SMARCAD1: variants seen among roughly 807,000 people sequenced by gnomAD.
SMARCAD1 encodes the protein SWI/SNF-related matrix-associated actin-dependent regulator of chromatin subfamily A containing DEAD/H box 1.
Under a neutral mutation model 127.1 loss-of-function variants are expected in SMARCAD1, and 25 were observed. The ratio of observed to expected loss-of-function variants is 0.20; its 90% CI spans 0.14 to 0.27. SMARCAD1 has a LOEUF of 0.27. SMARCAD1 is among the 10% of genes least tolerant of loss of function. SMARCAD1 has a pLI of 1.00. For synonymous variants in SMARCAD1, 400 were observed against 396.9 expected, an observed-to-expected ratio of 1.01 and a Z score of -0.09; for missense variants, 807 against 1,206.0, an observed-to-expected ratio of 0.67 and a Z score of 4.90.
Position 94,277,017 on chromosome 4 carries a change from C to T in SMARCAD1, c.1945-5C>T. On this transcript the variant is annotated splice_polypyrimidine_tract_variant and splice_region_variant and intron_variant, in intron 15 of 23. Coordinates refer to ENST00000354268, the MANE Select transcript of SMARCAD1 (RefSeq NM_020159.5). Reference sequence around the variant, plus strand: ...AGCTAATATAAATTTTACCTTCATTCACAGGCAAATAACCGTTTGCTGCTC... The same window carrying T: ...AGCTAATATAAATTTTACCTTCATTTACAGGCAAATAACCGTTTGCTGCTC... The T allele has an allele frequency of 1.2e-6, 2 of 1,613,942 alleles. No individual in the cohort carries two copies. The highest frequency in any genetic ancestry group is 2.7e-5 in the African/African-American group (2 of 75,028).
At chr4:94,285,744 G>A (rs1174107646) in intron 23 of SMARCAD1, among the ~76,000 whole-genome samples, 3 of 152,152 alleles carry the variant, frequency 2.0e-5, no homozygotes, top group Non-Finnish European at 4.4e-5. Context: ...TGCTGTGGAA[G>A]CTTGGGGAGG....
rs1246175084 is a variant in SMARCAD1 at position 94,290,880 on chromosome 4, G to C, written c.*1346G>C. 1 of 453,286 alleles carries C rather than the reference G, an allele frequency of 2.2e-6. No individual in the cohort carries two copies. Among genetic ancestry groups the C allele is most frequent in the Admixed American group, 2.4e-5 (1 of 42,496 alleles). 28.1% of individuals were successfully genotyped at this position (453,286 alleles called of 1,614,324 possible). ...AGCATCCTAACTTGCTAAGATGCTA[G>C]GTAGTACGACCCTCTGGATTTGGAA... On this transcript the variant is annotated 3_prime_UTR_variant, in exon 24 of 24. Transcript: ENST00000354268.
At chr4:94,227,507 G>C (rs1745210794) in intron 3 of SMARCAD1, among the ~76,000 whole-genome samples, 1 of 152,146 alleles carries the variant, frequency 6.6e-6, no homozygotes, top group African/African-American at 2.4e-5. Flanking sequence ...TTAGATTCTG[G>C]AATATACTTT....
At chr4:94,224,226 T>C (rs542630165) in intron 2 of SMARCAD1, among the ~76,000 whole-genome samples, 37 of 152,354 alleles carry the variant, frequency 2.4e-4, no homozygotes, top group Non-Finnish European at 4.4e-4. Context: ...GAAAAAAGTA[T>C]GATTTGCTTT....
chr4:94,256,986 C>T (rs916320846), intron 9 of SMARCAD1, among the ~76,000 whole-genome samples: 1 of 152,104 alleles, frequency 6.6e-6, no homozygotes, highest in Admixed American at 6.5e-5. Flanking sequence ...TAAACAGTTT[C>T]CTCCTTCCTA....
intron 2 of SMARCAD1, among the ~76,000 whole-genome samples, chr4:94,221,933 G>T (rs1021876875): frequency 4.6e-5 from 7 of 152,216 alleles, no homozygotes; most frequent in African/African-American, 1.7e-4. Context: ...GGACAAAGGG[G>T]ATCTGGCAAT....
rs1030490248 is a variant in SMARCAD1, at chr4:94,267,065, A to G, written c.1481+2159A>G. ...CTCTAAAGCTTTAGTTAATTAATCT[A>G]TAATTTATCAGCCTTAAAAGATTTC... On this transcript the variant is annotated intron_variant, in intron 10 of 23. Coordinates refer to ENST00000354268, the MANE Select transcript of SMARCAD1 (RefSeq NM_020159.5). Among the ~76,000 whole-genome samples the G allele has an allele frequency of 6.3e-4, 74 of 117,890 alleles. 1 individual carries two copies. The highest frequency in any genetic ancestry group is 2.1e-3 in the African/African-American group (74 of 35,786). The allele number at this position is 117,890 out of a possible 152,430, so 77.3% of individuals were successfully genotyped here. A position where few individuals can be genotyped will look rare whatever the true frequency, so the allele number is the denominator to read the frequency against.
At chr4:94,211,765 A>G (rs1742301415) in intron 2 of SMARCAD1, among the ~76,000 whole-genome samples, 1 of 152,178 alleles carries the variant, frequency 6.6e-6, no homozygotes, top group African/African-American at 2.4e-5. Context: ...TTTTGCCTGG[A>G]AGACTCTTCC....
intron 3 of SMARCAD1, among the ~76,000 whole-genome samples, chr4:94,229,481 G>A (rs1479836542): frequency 6.6e-6 from 1 of 152,064 alleles, no homozygotes; most frequent in Admixed American, 6.6e-5. Context: ...AGTTTTGGCA[G>A]CTGAGGGCCT....
chr4:94,237,785 C>A (rs1429700786), intron 5 of SMARCAD1, among the ~76,000 whole-genome samples: 1 of 152,102 alleles, frequency 6.6e-6, no homozygotes, highest in Non-Finnish European at 1.5e-5. Context: ...TCCCTATTAG[C>A]ACTTACGTTT....
chr4:94,217,260 A>C (rs1206747024), intron 2 of SMARCAD1, among the ~76,000 whole-genome samples: 5 of 152,204 alleles, frequency 3.3e-5, no homozygotes, highest in Admixed American at 6.5e-5. Flanking sequence ...ACCAGTTACT[A>C]GTCAGTTTTT....
intron 10 of SMARCAD1, among the ~76,000 whole-genome samples, chr4:94,269,846 A>T (rs1179394720): frequency 1.3e-5 from 2 of 151,458 alleles, no homozygotes; most frequent in Non-Finnish European, 2.9e-5. Flanking sequence ...TTTTTTTTGT[A>T]TTTTTGGTAG....
intron 14 of SMARCAD1, among the ~76,000 whole-genome samples, chr4:94,275,796 C>CTTTTTTTTTTTTTT (rs535710589): frequency 2.2e-4 from 19 of 85,400 alleles, no homozygotes; most frequent in African/African-American, 3.4e-4. Flanking sequence ...TTAACATTTT[C>CTTTTTTTTTTTTTT]TTTTTTTTTT....
chr4:94,227,767 A>G (rs1560520453), intron 3 of SMARCAD1, among the ~76,000 whole-genome samples: 1 of 152,190 alleles, frequency 6.6e-6, no homozygotes, highest in Non-Finnish European at 1.5e-5. Flanking sequence ...AGTAGGTATA[A>G]TTAGATTTGG....
At chr4:94,270,699 G>A in intron 10 of SMARCAD1, 29 bp from the exon 11 acceptor site, 2 of 1,558,472 alleles carry the variant, frequency 1.3e-6, no homozygotes, top group African/African-American at 1.4e-5. Context: ...ATATAGATGT[G>A]TAATATTTGG....
intron 6 of SMARCAD1, among the ~76,000 whole-genome samples, chr4:94,242,578 G>C (rs1227896502): frequency 6.6e-6 from 1 of 152,002 alleles, no homozygotes; most frequent in Non-Finnish European, 1.5e-5. Flanking sequence ...TCACTTGGCT[G>C]GTTCTAAAAT....
intron 9 of SMARCAD1, among the ~76,000 whole-genome samples, chr4:94,255,251 C>T (rs1393813540): frequency 6.6e-6 from 1 of 151,922 alleles, no homozygotes; most frequent in Admixed American, 6.6e-5. Flanking sequence ...TTTAATCTTA[C>T]TTAGTCTTAA....
chr4:94,283,705 G>T (rs1198479520), intron 22 of SMARCAD1, among the ~76,000 whole-genome samples: 1 of 151,102 alleles, frequency 6.6e-6, no homozygotes, highest in Admixed American at 6.6e-5. Flanking sequence ...GGTGCCTGTA[G>T]TCCCAGCTAC....
At chr4:94,287,491 G>A (rs993454538) in intron 23 of SMARCAD1, among the ~76,000 whole-genome samples, 1 of 152,108 alleles carries the variant, frequency 6.6e-6, no homozygotes, top group Non-Finnish European at 1.5e-5. Flanking sequence ...TCAGATTTTT[G>A]TGTTCCTAGA....
Sources: gnomAD v4.1 joint callset for allele counts (sites outside exome capture counted in the v4.1 genomes callset) on GRCh38, gnomAD v4.1.1 for gene constraint, MANE v1.5 for transcripts, NCBI Gene and HGNC (gene_info 2026-07-23, HGNC 2026-07-21) for gene names.